Variants in CACNG2 observed in about 807,000 individuals in gnomAD.
The protein encoded by CACNG2 is voltage-dependent calcium channel gamma-2 subunit.
Under a neutral mutation model 25.9 loss-of-function variants are expected in CACNG2, and 3 were observed. The observed-to-expected ratio is 0.12, with a 90% CI of 0.05 to 0.30. CACNG2 has a LOEUF of 0.30. Ranked by LOEUF, CACNG2 falls within the 10% of genes least tolerant of loss-of-function variation. The pLI, the probability that CACNG2 is intolerant of heterozygous loss-of-function variation, is 1.00. For synonymous variants in CACNG2, 167 were observed against 173.3 expected, an observed-to-expected ratio of 0.96 and a Z score of 0.29; for missense variants, 341 against 432.5, an observed-to-expected ratio of 0.79 and a Z score of 1.88.
intron 1 of CACNG2, among the ~76,000 whole-genome samples, chr22:36,680,909 C>T (rs963859966): frequency 6.6e-6 from 1 of 151,696 alleles, no homozygotes; most frequent in Non-Finnish European, 1.5e-5. Flanking sequence ...TCACCACCAC[C>T]AGCAGCACAT....
intron 1 of CACNG2, among the ~76,000 whole-genome samples, chr22:36,701,302 C>G (rs1252216488): frequency 6.6e-6 from 1 of 152,172 alleles, no homozygotes; most frequent in Non-Finnish European, 1.5e-5. Flanking sequence ...CATTCAAATG[C>G]AGTCCCTCAT....
At chr22:36,663,048 AG>A (rs148760079) in intron 1 of CACNG2, among the ~76,000 whole-genome samples, 20,936 of 148,794 alleles carry the variant, frequency 0.14, 3,662 homozygotes, top group African/African-American at 0.44. Context: ...TAAAAAAAAA[AG>A]AGAGAGAGAG....
chr22:36,651,025 C>A (rs1324849229), intron 1 of CACNG2, among the ~76,000 whole-genome samples: 1 of 152,132 alleles, frequency 6.6e-6, no homozygotes, highest in Non-Finnish European at 1.5e-5. Context: ...AAATTGCAAA[C>A]TTCTCTTCCT....
chr22:36,608,820 G>A (rs1935881364), intron 1 of CACNG2, among the ~76,000 whole-genome samples: 1 of 151,972 alleles, frequency 6.6e-6, no homozygotes, highest in African/African-American at 2.4e-5. Flanking sequence ...TTCTTGTGAG[G>A]GTTAACTAAG....
chr22:36,641,807 C>T (rs781325959), intron 1 of CACNG2, among the ~76,000 whole-genome samples: 9 of 152,192 alleles, frequency 5.9e-5, no homozygotes, highest in African/African-American at 1.7e-4. Flanking sequence ...TGAGGGTTGC[C>T]GAGCCTCTGC....
chr22:36,637,492 CA>C (rs755622374), intron 1 of CACNG2, among the ~76,000 whole-genome samples: 23 of 152,120 alleles, frequency 1.5e-4, no homozygotes, highest in African/African-American at 3.9e-4. Flanking sequence ...GCCCAGTGAT[CA>C]GGGGGGCAGC....
intron 1 of CACNG2, among the ~76,000 whole-genome samples, chr22:36,608,973 T>C (rs538542888): frequency 6.6e-6 from 1 of 152,168 alleles, no homozygotes; most frequent in South Asian, 2.1e-4. Context: ...AATGTGACTC[T>C]CAGTGTTTCC....
At chr22:36,687,688 G>C (rs560951671) in intron 1 of CACNG2, among the ~76,000 whole-genome samples, 3 of 152,304 alleles carry the variant, frequency 2.0e-5, no homozygotes, top group East Asian at 3.9e-4. Context: ...GCTAATCAGC[G>C]GACTGTAAGA....
chr22:36,694,614 G>A (rs998774375), intron 1 of CACNG2, among the ~76,000 whole-genome samples: 11 of 152,294 alleles, frequency 7.2e-5, no homozygotes, highest in South Asian at 2.1e-4. Flanking sequence ...ATAAGGAGAG[G>A]TGGCACTAGG....
chr22:36,591,165 T>C (rs923600860), intron 1 of CACNG2, among the ~76,000 whole-genome samples: 3 of 151,258 alleles, frequency 2.0e-5, no homozygotes, highest in Non-Finnish European at 4.4e-5. Context: ...GCCTCCAGAG[T>C]AGCTGGAACT....
intron 2 of CACNG2, among the ~76,000 whole-genome samples, chr22:36,573,870 G>A (rs1259750656): frequency 1.3e-5 from 2 of 152,200 alleles, no homozygotes; most frequent in African/African-American, 2.4e-5. Context: ...GACCTCTGGC[G>A]AATAAGGAGC....
intron 1 of CACNG2, among the ~76,000 whole-genome samples, chr22:36,609,365 C>T (rs1935892200): frequency 6.9e-6 from 1 of 145,254 alleles, no homozygotes; most frequent in Admixed American, 6.9e-5. Context: ...GAATCAGCCC[C>T]CCAGAGCGTG....
intron 1 of CACNG2, among the ~76,000 whole-genome samples, chr22:36,683,740 T>C (rs1937158449): frequency 6.6e-6 from 1 of 152,188 alleles, no homozygotes; most frequent in Admixed American, 6.5e-5. Flanking sequence ...CCTCTTGTTC[T>C]GATGGTGTCT....
intron 1 of CACNG2, among the ~76,000 whole-genome samples, chr22:36,623,728 T>C (rs559817297): frequency 1.3e-5 from 2 of 151,904 alleles, no homozygotes; most frequent in East Asian, 1.9e-4. Flanking sequence ...ATGATGATGA[T>C]GACGATGGTA....
At chr22:36,632,204 T>C (rs1339090899) in intron 1 of CACNG2, among the ~76,000 whole-genome samples, 1 of 151,958 alleles carries the variant, frequency 6.6e-6, no homozygotes, top group African/African-American at 2.4e-5. Flanking sequence ...GAGAATCCAT[T>C]TTATGTCGGC....
intron 2 of CACNG2, among the ~76,000 whole-genome samples, chr22:36,574,648 G>A (rs1935284392): frequency 6.6e-6 from 1 of 152,168 alleles, no homozygotes; most frequent in Admixed American, 6.5e-5. Flanking sequence ...CAGGGGTGGT[G>A]GCGCATCCCT....
At chr22:36,673,020 G>A (rs1161165470) in intron 1 of CACNG2, among the ~76,000 whole-genome samples, 1 of 152,232 alleles carries the variant, frequency 6.6e-6, no homozygotes, top group Admixed American at 6.5e-5. Flanking sequence ...GAGTCCAGGA[G>A]TTCGAGATCA....
intron 1 of CACNG2, among the ~76,000 whole-genome samples, chr22:36,683,020 G>C (rs761007543): frequency 3.9e-5 from 6 of 152,262 alleles, no homozygotes; most frequent in Middle Eastern, 3.4e-3. Context: ...CATCCCAAAG[G>C]GGGCTCTTAC....
At chr22:36,689,701 C>T (rs1286794952) in intron 1 of CACNG2, among the ~76,000 whole-genome samples, 1 of 151,506 alleles carries the variant, frequency 6.6e-6, no homozygotes, top group African/African-American at 2.5e-5. Flanking sequence ...TGCAGCAGGT[C>T]TCCCTCCCAT....
Sources: gnomAD v4.1 joint callset for allele counts (sites outside exome capture counted in the v4.1 genomes callset) on GRCh38, gnomAD v4.1.1 for gene constraint, MANE v1.5 for transcripts, NCBI Gene and HGNC (gene_info 2026-07-23, HGNC 2026-07-21) for gene names.